DISP1: variants seen among roughly 807,000 people sequenced by gnomAD.
DISP1 encodes the protein protein dispatched homolog 1.
A neutral mutation model predicts 37.3 loss-of-function variants in DISP1; 30 were observed. The observed-to-expected ratio is 0.80, with a 90% CI of 0.60 to 1.09. The LOEUF is 1.09. DISP1 is among the 50% of genes least tolerant of loss of function. The pLI is 0.00. For synonymous variants in DISP1, 634 were observed against 690.2 expected (o/e 0.92, Z 1.28); for missense variants, 1,598 against 1,879.5 (o/e 0.85, Z 2.77).
rs573728762 is a variant in DISP1 at position 222,942,904 on chromosome 1, C to T, written c.81C>T (p.Pro27=). The change falls in exon 3 of 9, where the codon CCC becomes CCT. Residue 27 remains proline, a synonymous_variant. Transcript: ENST00000675850. ...SIATSAANPS[P]LTPCDGDHAA... is the part of the protein sequence containing the mutation. ...CAACCAGTGCTGCTAACCCGAGTCC[C>T]CTCACCCCCTGTGATGGAGACCATG... 5.6e-6 allele frequency: 9 copies of T among 1,614,008 alleles called. No individual in the cohort carries two copies. The highest frequency in any genetic ancestry group is 1.7e-5 in the Admixed American group (1 of 59,994).
chr1:222,903,141 G>A (rs534040443), intron 1 of DISP1, among the ~76,000 whole-genome samples: 71 of 151,966 alleles, frequency 4.7e-4, no homozygotes, highest in African/African-American at 1.6e-3. Flanking sequence ...ATGAGTTCAT[G>A]TCCTTTATAG....
In DISP1 at chr1:222,994,934, A is replaced by G. The variant is rs755178594; in HGVS notation, c.939A>G (p.Leu313=). The G allele has an allele frequency of 8.1e-6, 13 of 1,613,120 alleles. No individual in the cohort carries two copies. Among genetic ancestry groups the G allele is most frequent in the Non-Finnish European group, 9.3e-6 (11 of 1,179,542 alleles). ...TTACTTCATCTGGAGGGGAGACATT[A>G]TGGAATTTACCTGCAATTAAATCAA... ...VVFTSSGGET[L]WNLPAIKSMC... is the part of the protein sequence containing the mutation. The change falls in exon 8 of 9, where the codon TTA becomes TTG. Residue 313 remains leucine (L), a synonymous_variant. Coordinates refer to ENST00000675850, the MANE Select transcript of DISP1 (RefSeq NM_001377229.1).
intron 3 of DISP1, among the ~76,000 whole-genome samples, chr1:222,978,304 G>T (rs1677552117): frequency 6.6e-6 from 1 of 152,046 alleles, no homozygotes; most frequent in Non-Finnish European, 1.5e-5. Context: ...GTGTTTTTTG[G>T]CTGCATAAAT....
At chr1:222,982,980 C>A (rs1677946968) in intron 3 of DISP1, 100 bp from the exon 4 acceptor site, 7 of 841,368 alleles carry the variant, frequency 8.3e-6, no homozygotes, top group Admixed American at 2.4e-5. Context: ...TAAGAGATAA[C>A]AAGTAAAATG....
At chr1:222,920,576 C>A (rs927577457) in intron 1 of DISP1, among the ~76,000 whole-genome samples, 3 of 152,076 alleles carry the variant, frequency 2.0e-5, no homozygotes, top group African/African-American at 7.2e-5. Context: ...ACAAAATGTT[C>A]CCTTGAATTC....
chr1:222,925,410 A>G (rs138749128), intron 1 of DISP1, among the ~76,000 whole-genome samples: 155 of 152,314 alleles, frequency 1.0e-3, no homozygotes, highest in Middle Eastern at 6.8e-3. Context: ...AATACTGTTC[A>G]GATGATCAAA....
intron 3 of DISP1, among the ~76,000 whole-genome samples, chr1:222,948,948 G>T (rs944789569): frequency 6.6e-6 from 1 of 152,134 alleles, no homozygotes; most frequent in Admixed American, 6.5e-5. Context: ...TAATTTTAAC[G>T]TAGGCCATTT....
chr1:222,900,121 A>C (rs544964374), intron 1 of DISP1, among the ~76,000 whole-genome samples: 2 of 152,212 alleles, frequency 1.3e-5, no homozygotes, highest in Non-Finnish European at 2.9e-5. Context: ...AAATCTTCAT[A>C]TATATTTCCT....
chr1:222,941,197 A>T (rs969351901), intron 2 of DISP1, among the ~76,000 whole-genome samples: 2 of 152,152 alleles, frequency 1.3e-5, no homozygotes, highest in Non-Finnish European at 2.9e-5. Flanking sequence ...ACCTCCTGCT[A>T]GTTTAGATAA....
chr1:222,981,643 T>G (rs1677846693), intron 3 of DISP1, among the ~76,000 whole-genome samples: 1 of 152,082 alleles, frequency 6.6e-6, no homozygotes. Flanking sequence ...GAGGGAGAAA[T>G]GTAAATGGAG....
At chr1:222,999,831 T>G (rs1679315012) in intron 8 of DISP1, among the ~76,000 whole-genome samples, 1 of 152,162 alleles carries the variant, frequency 6.6e-6, no homozygotes, top group Admixed American at 6.5e-5. Context: ...CTTTTCTCTG[T>G]CCTTATTTCT....
At chr1:222,909,699 G>A (rs1672106065) in intron 1 of DISP1, among the ~76,000 whole-genome samples, 1 of 152,146 alleles carries the variant, frequency 6.6e-6, no homozygotes. Context: ...TCAAAATCAA[G>A]ACAAACATCT....
At chr1:222,914,262 T>C (rs1672370988) in intron 1 of DISP1, among the ~76,000 whole-genome samples, 2 of 152,332 alleles carry the variant, frequency 1.3e-5, no homozygotes, top group South Asian at 4.1e-4. Flanking sequence ...TATTACTATA[T>C]ACAAATTTAA....
intron 1 of DISP1, among the ~76,000 whole-genome samples, chr1:222,815,805 G>A (rs1661071694): frequency 6.6e-6 from 1 of 152,130 alleles, no homozygotes; most frequent in South Asian, 2.1e-4. Context: ...ACCCTGCAGA[G>A]TTTAGCTTGT....
At position 222,959,955 on chromosome 1, in the gene DISP1, T is replaced by C. The variant is rs532614356; in HGVS notation, c.509+16623T>C. ...CTATTCTAAATATATATGCACCCAA[T>C]AAAGGAGCACCCAGATTCATAAAAC... On this transcript the variant is annotated intron_variant, in intron 3 of 8. Coordinates refer to ENST00000675850, the MANE Select transcript of DISP1 (RefSeq NM_001377229.1). Among the ~76,000 whole-genome samples, 4 of 152,202 alleles carry C rather than the reference T, an allele frequency of 2.6e-5. No homozygotes were observed. In the East Asian group the frequency reaches 5.8e-4, roughly 22 times the overall value.
intron 1 of DISP1, among the ~76,000 whole-genome samples, chr1:222,883,594 C>T (rs555104304): frequency 2.6e-4 from 39 of 152,182 alleles, no homozygotes; most frequent in Admixed American, 6.5e-4. Flanking sequence ...TCTAGCCTGG[C>T]GACAGAGCGA....
chr1:222,841,250 TAAG>T (rs1238591728), intron 1 of DISP1, among the ~76,000 whole-genome samples: 3 of 152,218 alleles, frequency 2.0e-5, no homozygotes, highest in Non-Finnish European at 4.4e-5. Context: ...TACATTATTT[TAAG>T]TAGTTTTATT....
At chr1:222,831,807 AT>A (rs1252343426) in intron 1 of DISP1, among the ~76,000 whole-genome samples, 3 of 152,182 alleles carry the variant, frequency 2.0e-5, no homozygotes, top group African/African-American at 7.2e-5. Flanking sequence ...TATGGGATAC[AT>A]TTTAGAGAGT....
At chr1:222,986,424 A>G (rs933396687) in intron 4 of DISP1, among the ~76,000 whole-genome samples, 7 of 152,250 alleles carry the variant, frequency 4.6e-5, no homozygotes, top group Non-Finnish European at 7.3e-5. Context: ...AGCTGGCTCT[A>G]TAAGATACTT....
Sources: gnomAD v4.1 joint callset for allele counts (sites outside exome capture counted in the v4.1 genomes callset) on GRCh38, gnomAD v4.1.1 for gene constraint, MANE v1.5 for transcripts, NCBI Gene and HGNC (gene_info 2026-07-23, HGNC 2026-07-21) for gene names.